CWF19L2: variants seen among roughly 807,000 people sequenced by gnomAD.
CWF19L2 encodes the protein CWF19-like protein 2.
Under a neutral mutation model 111.7 loss-of-function variants are expected in CWF19L2, and 98 were observed. The ratio of observed to expected loss-of-function variants is 0.88; its 90% CI spans 0.75 to 1.04. CWF19L2 has a LOEUF of 1.04. Ranked by LOEUF, CWF19L2 falls within the 50% of genes least tolerant of loss-of-function variation. CWF19L2 has a pLI of 0.00. For synonymous variants in CWF19L2, 351 were observed against 342.9 expected (o/e 1.02, Z -0.26); for missense variants, 1,101 against 1,051.4 (o/e 1.05, Z -0.65).
intron 12 of CWF19L2, among the ~76,000 whole-genome samples, chr11:107,370,488 G>C (rs918277449): frequency 7.5e-6 from 1 of 132,986 alleles, no homozygotes; most frequent in Non-Finnish European, 1.6e-5. Context: ...TAACATATTA[G>C]AGAGAGAAGT....
intron 10 of CWF19L2, among the ~76,000 whole-genome samples, chr11:107,402,869 G>GTATATATATATATATATATATA (rs1491324734): frequency 1.8e-4 from 4 of 22,018 alleles, no homozygotes; most frequent in African/African-American, 3.4e-4. Context: ...ACAAACTGTG[G>GTATATATATATATATATATATA]TGTGTATATA....
chr11:107,379,985 T>A (rs1168417497), intron 12 of CWF19L2, among the ~76,000 whole-genome samples: 1 of 131,080 alleles, frequency 7.6e-6, no homozygotes, highest in African/African-American at 3.0e-5. Context: ...GGCCTGAGCT[T>A]GCAGTGAGCT....
intron 3 of CWF19L2, among the ~76,000 whole-genome samples, chr11:107,451,226 T>C (rs664836): frequency 1.3e-5 from 2 of 151,918 alleles, no homozygotes; most frequent in Non-Finnish European, 2.9e-5. Context: ...TAAAAACTCT[T>C]ATATATCCAT....
At chr11:107,443,076 A>AT in intron 3 of CWF19L2, 27 bp from the exon 4 acceptor site, 1 of 1,424,110 alleles carries the variant, frequency 7.0e-7, no homozygotes, top group Non-Finnish European at 9.7e-7. Context: ...TATAAGTGAA[A>AT]TTGTCAAATT....
intron 12 of CWF19L2, among the ~76,000 whole-genome samples, chr11:107,383,011 G>T (rs1350172813): frequency 6.6e-6 from 1 of 152,250 alleles, no homozygotes; most frequent in East Asian, 1.9e-4. Flanking sequence ...GGCACTCCCA[G>T]GGATGGCAAG....
In CWF19L2 at chr11:107,454,120, T is replaced by G. The variant is rs559768067; in HGVS notation, c.339+330A>C. ...GGGAAAGACGCAGGCCTGGCTGGCT[T>G]CATCACCTGCTGATTGCAGAGCCCC... On this transcript the variant is annotated intron_variant, in intron 3 of 17. Transcript: ENST00000282251. Among the ~76,000 whole-genome samples, 10 of 152,340 alleles carry G rather than the reference T, an allele frequency of 6.6e-5. No individual in the cohort carries two copies. In the South Asian group the frequency reaches 1.4e-3, roughly 22 times the overall value.
In CWF19L2 at chr11:107,327,117, T is replaced by C. The variant is rs1859773361; in HGVS notation, c.2542-64A>G. 3.0e-6 allele frequency: 4 copies of C among 1,337,702 alleles called. No individual in the cohort carries two copies. In the Admixed American group the frequency reaches 1.0e-4, roughly 34 times the overall value. The allele number at this position is 1,337,702 out of a possible 1,614,324, so 82.9% of individuals were successfully genotyped here. ...TAAATAATGAAAACAGAAATGAAAC[T>C]ATTTCTGTTTATTCTGCTATAAAAT... On this transcript the variant is annotated intron_variant, in intron 17 of 17. Transcript: ENST00000282251.
intron 12 of CWF19L2, among the ~76,000 whole-genome samples, chr11:107,356,334 A>AAAG (rs149999201): frequency 0.018 from 2,665 of 152,286 alleles, 58 homozygotes; most frequent in African/African-American, 0.059. Flanking sequence ...GAAACTAGAA[A>AAAG]AAGAAAAAAT....
Position 107,454,487 on chromosome 11 carries a change from TTC to T in CWF19L2, c.300_301del (p.Lys101IlefsTer2). The T allele has an allele frequency of 4.8e-6, 7 of 1,472,772 alleles. No individual in the cohort carries two copies. Among genetic ancestry groups the T allele is most frequent in the African/African-American group, 1.4e-5 (1 of 69,356 alleles). 91.2% of individuals were successfully genotyped at this position (1,472,772 alleles called of 1,614,324 possible). On this transcript the variant is annotated frameshift_variant, in exon 3 of 18. Transcript: ENST00000282251. LOFTEE classifies it high-confidence loss of function. Reference sequence around the variant, plus strand: ...AGATGACTCATTGTTTTTTTCATATTTCTGTTTCTTGCTCTTTTTTTTCTTTT... The same window carrying T: ...AGATGACTCATTGTTTTTTTCATATTTGTTTCTTGCTCTTTTTTTTCTTTT...
rs1861426820 is a variant in CWF19L2 at position 107,429,206 on chromosome 11, C to T, written c.1026G>A (p.Gly342=). 3.1e-6 allele frequency: 5 copies of T among 1,613,294 alleles called. No homozygotes were observed. The highest frequency in any genetic ancestry group is 4.2e-6 in the Non-Finnish European group (5 of 1,179,672). ...FIGDEKDKRP[G]SLETCRRESN... The stretch of plus-strand genomic sequence containing the variant: ...ATTCTCTTCTACACGTTTCTAAAGA[C>T]CCAGGTCTCTTATCTTTTTCATCAC... Residue 342 remains glycine, a synonymous_variant, in exon 8 of 18, where the codon GGG becomes GGA. Transcript: ENST00000282251.
intron 12 of CWF19L2, among the ~76,000 whole-genome samples, chr11:107,373,187 C>T (rs1396469483): frequency 7.8e-6 from 1 of 128,838 alleles, no homozygotes; most frequent in Non-Finnish European, 1.6e-5. Flanking sequence ...GGCAGCGAGG[C>T]TAGGGGAGGG....
intron 10 of CWF19L2, among the ~76,000 whole-genome samples, chr11:107,413,947 A>T (rs183128286): frequency 6.6e-6 from 1 of 152,312 alleles, no homozygotes; most frequent in East Asian, 1.9e-4. Context: ...TCTCCAAAAG[A>T]GCAGCTGACT....
chr11:107,423,240 T>TG (rs1491169957), intron 8 of CWF19L2, among the ~76,000 whole-genome samples: 7 of 152,020 alleles, frequency 4.6e-5, no homozygotes, highest in Non-Finnish European at 8.8e-5. Context: ...ACTAATCATA[T>TG]CTCTCTTTTA....
chr11:107,351,376 G>A (rs548667292), intron 13 of CWF19L2, among the ~76,000 whole-genome samples: 1 of 152,240 alleles, frequency 6.6e-6, no homozygotes, highest in East Asian at 1.9e-4. Flanking sequence ...GAAGACTATG[G>A]GAGGGTTAGT....
intron 12 of CWF19L2, among the ~76,000 whole-genome samples, chr11:107,378,042 A>C (rs1484850707): frequency 1.3e-5 from 2 of 151,726 alleles, no homozygotes. Context: ...GCCATCAGAG[A>C]AATGCAAATC....
chr11:107,330,547 A>G (rs892924739), intron 16 of CWF19L2, among the ~76,000 whole-genome samples: 5 of 151,710 alleles, frequency 3.3e-5, no homozygotes, highest in African/African-American at 1.2e-4. Flanking sequence ...TTATTTCAAA[A>G]TATCTCCAGG....
chr11:107,356,112 G>GTAT (rs771899179), intron 12 of CWF19L2, among the ~76,000 whole-genome samples: 44 of 152,084 alleles, frequency 2.9e-4, no homozygotes, highest in Middle Eastern at 3.4e-3. Flanking sequence ...CACATACCTG[G>GTAT]TATTGTGCAC....
rs545891366 is a variant in CWF19L2 at position 107,457,141 on chromosome 11, C to T, written c.105+571G>A. Among the ~76,000 whole-genome samples, 3 of 152,248 alleles carry T rather than the reference C, an allele frequency of 2.0e-5. No homozygotes were observed. The South Asian group carries it at 6.2e-4, about 32-fold the overall frequency. On this transcript the variant is annotated intron_variant, in intron 1 of 17. Transcript: ENST00000282251. ...TTCTTTGTATGTTACCTCTATGTAT[C>T]TGAAGTTTAGTGAGAAATACAATGT... is the stretch of plus-strand genomic sequence containing the variant.
At chr11:107,449,447 C>G (rs522170) in intron 3 of CWF19L2, among the ~76,000 whole-genome samples, 1 of 151,868 alleles carries the variant, frequency 6.6e-6, no homozygotes, top group Non-Finnish European at 1.5e-5. Flanking sequence ...AGACTTTCTT[C>G]ATATGTGTAA....
Sources: allele counts gnomAD v4.1 joint callset (sites outside exome capture counted in the v4.1 genomes callset), GRCh38; gene constraint gnomAD v4.1.1; transcripts MANE v1.5; gene names NCBI Gene and HGNC (gene_info 2026-07-23, HGNC 2026-07-21).